The following ANK2 variants were observed in gnomAD, a reference collection of about 807,000 sequenced individuals.
ANK2 encodes ankyrin 2.
A neutral mutation model predicts 360.5 loss-of-function variants in ANK2; 83 were observed. The observed-to-expected ratio is 0.23, with a 90% CI of 0.19 to 0.28. The LOEUF is 0.28. ANK2 is among the 10% of genes least tolerant of loss of function. The pLI, the probability that ANK2 is intolerant of heterozygous loss-of-function variation, is 1.00. For synonymous variants in ANK2, 1,740 were observed against 1,759.5 expected (o/e 0.99, Z 0.28); for missense variants, 4,201 against 4,795.7 (o/e 0.88, Z 3.66).
chr4:113,124,900 C>T (rs1051993760), intron 1 of ANK2, among the ~76,000 whole-genome samples: 25 of 151,856 alleles, frequency 1.6e-4, no homozygotes, highest in African/African-American at 3.6e-4. Flanking sequence ...GAGGCTGAGA[C>T]GTGAGGAGAG....
intron 22 of ANK2, among the ~76,000 whole-genome samples, chr4:113,300,870 CAAAG>C (rs2074589570): frequency 6.6e-6 from 1 of 152,152 alleles, no homozygotes; most frequent in African/African-American, 2.4e-5. Context: ...CTGAAGAAAA[CAAAG>C]AGCCACCAAA....
chr4:113,153,897 G>A (rs2097182013), intron 1 of ANK2, among the ~76,000 whole-genome samples: 1 of 152,190 alleles, frequency 6.6e-6, no homozygotes, highest in African/African-American at 2.4e-5. Context: ...TAACCCTTAA[G>A]TGCACTTAAG....
At position 113,213,965 on chromosome 4, in the gene ANK2, T is replaced by TA. The variant is rs1562935232; in HGVS notation, c.384+14856_384+14857insA. 33 of 488,418 alleles carry TA rather than the reference T, an allele frequency of 6.8e-5. 2 individuals carry two copies. Among genetic ancestry groups the TA allele is most frequent in the African/African-American group, 2.1e-4 (3 of 14,468 alleles). The allele number at this position is 488,418 out of a possible 1,614,324, so 30.3% of individuals were successfully genotyped here. ...AATGCTGTTTTATTTATTTTTTTTT[T>TA]TTATTTTTTTTTTAAGTACAATTTC... On this transcript the variant is annotated intron_variant, in intron 4 of 45. Transcript: ENST00000357077.
chr4:112,706,097 G>GCGGGAGACC, the ANK2 span, among the ~76,000 whole-genome samples: 2 of 151,246 alleles, frequency 1.3e-5, no homozygotes, highest in African/African-American at 4.8e-5. Context: ...CCGAGGAGAC[G>GCGGGAGACC]CGGGAGACCC....
intron 2 of ANK2, among the ~76,000 whole-genome samples, chr4:113,190,389 C>T (rs964729275): frequency 6.6e-6 from 1 of 152,046 alleles, no homozygotes; most frequent in Non-Finnish European, 1.5e-5. Context: ...GGATTATAAG[C>T]GTGAGCCACT....
intron 29 of ANK2, 111 bp from the exon 30 acceptor site, chr4:113,335,735 G>A: frequency 1.8e-6 from 2 of 1,128,010 alleles, no homozygotes; most frequent in Non-Finnish European, 1.3e-6. Context: ...TCAAAAAAAT[G>A]TGTTTTGCTG....
At chr4:112,996,514 T>C (rs1386556971) in intron 2 of ANK2, among the ~76,000 whole-genome samples, 1 of 152,228 alleles carries the variant, frequency 6.6e-6, no homozygotes, top group African/African-American at 2.4e-5. Flanking sequence ...ACAGCACCTT[T>C]TATTGTACCA....
rs2058701768 is a variant in ANK2 at position 113,023,903 on chromosome 4, G to A, written c.21+119389G>A. Among the ~76,000 whole-genome samples the A allele has an allele frequency of 2.0e-5, 3 of 152,096 alleles. No homozygotes were observed. The South Asian group carries it at 6.2e-4, about 32-fold the overall frequency. The stretch of plus-strand genomic sequence containing the variant: ...TTCTGTAGAAGACATGCACAGATTG[G>A]GGGAACATATTGCAGAACACATTCT... On this transcript the variant is annotated intron_variant, in intron 2 of 30. Coordinates refer to the ANK2 transcript ENST00000503271.
At chr4:113,224,628 G>A (rs1199382774) in intron 4 of ANK2, among the ~76,000 whole-genome samples, 2 of 152,100 alleles carry the variant, frequency 1.3e-5, no homozygotes, top group African/African-American at 4.8e-5. Context: ...AATAAGCTTA[G>A]CAATGTAACA....
Position 113,293,500 on chromosome 4 carries a change from C to A in ANK2, c.2437C>A (p.Leu813Met), listed in dbSNP as rs777436992. ...GGGCTACATCTCCGTGGTCGACACC[C>A]TGAAGGTTGTGACTGAGGAGGTCAC... ...RLGYISVVDT[L>M]KVVTEEVTTT... The change falls in exon 22 of 46, where the codon CTG becomes ATG. Residue 813 changes from leucine (L) to methionine (M), a missense_variant. Leu to Met is a conservative substitution (Grantham distance 15, BLOSUM62 2). Around this residue, in one of 4 missense-constraint regions of ANK2, gnomAD observed 1,268 missense variants for 1,650.8 expected, o/e 0.77. Transcript: ENST00000357077. 1 of 1,613,744 alleles carries A rather than the reference C, an allele frequency of 6.2e-7. No individual in the cohort carries two copies. Among genetic ancestry groups the A allele is most frequent in the Non-Finnish European group, 8.5e-7 (1 of 1,180,010 alleles).
At chr4:113,191,675 G>A (rs1230743719) in intron 2 of ANK2, among the ~76,000 whole-genome samples, 1 of 152,094 alleles carries the variant, frequency 6.6e-6, no homozygotes, top group Non-Finnish European at 1.5e-5. Context: ...GCATGTAACT[G>A]GGAAATAATA....
chr4:112,838,935 CTT>C (rs2061551830), intron 1 of ANK2, among the ~76,000 whole-genome samples: 2 of 152,182 alleles, frequency 1.3e-5, no homozygotes, highest in African/African-American at 4.8e-5. Flanking sequence ...GGTTCTTCAT[CTT>C]TGTAACATCT....
At chr4:113,113,885 G>A (rs2094523801) in intron 1 of ANK2, among the ~76,000 whole-genome samples, 1 of 152,128 alleles carries the variant, frequency 6.6e-6, no homozygotes, top group African/African-American at 2.4e-5. Context: ...AAGAAGGAAA[G>A]ATTTTAAAAA....
chr4:113,167,118 G>T (rs549201372), intron 1 of ANK2, among the ~76,000 whole-genome samples: 2 of 152,018 alleles, frequency 1.3e-5, no homozygotes, highest in Admixed American at 1.3e-4. Flanking sequence ...TTTAAAAATT[G>T]CCTCCAGTGT....
intron 39 of ANK2, 109 bp from the exon 40 acceptor site, chr4:113,363,229 A>C (rs1292847875): frequency 4.5e-6 from 5 of 1,114,970 alleles, no homozygotes; most frequent in Non-Finnish European, 3.9e-6. Flanking sequence ...AAGGAACTCA[A>C]ATACTCACCA....
intron 26 of ANK2, among the ~76,000 whole-genome samples, chr4:113,322,025 C>A (rs992153217): frequency 3.9e-5 from 6 of 152,092 alleles, no homozygotes; most frequent in Admixed American, 1.3e-4. Flanking sequence ...AACCACCGTG[C>A]CCAGCCAAAA....
chr4:113,230,086 G>T (rs192309291), intron 4 of ANK2, among the ~76,000 whole-genome samples: 1 of 151,876 alleles, frequency 6.6e-6, no homozygotes, highest in Non-Finnish European at 1.5e-5. Context: ...ACAAGATTTC[G>T]CCTGCTTGCT....
chr4:112,997,824 A>G (rs1045421592), intron 2 of ANK2, among the ~76,000 whole-genome samples: 8 of 151,906 alleles, frequency 5.3e-5, no homozygotes, highest in Non-Finnish European at 1.2e-4. Context: ...ATATATGCAC[A>G]TATATACAAA....
At chr4:112,774,505 C>T in the ANK2 span, among the ~76,000 whole-genome samples, 2 of 152,102 alleles carry the variant, frequency 1.3e-5, no homozygotes, top group East Asian at 1.9e-4. Context: ...CCAGTCTGGG[C>T]GACAGAGCGA....
Sources: allele counts gnomAD v4.1 joint callset (sites outside exome capture counted in the v4.1 genomes callset), GRCh38; gene constraint gnomAD v4.1.1; regional missense constraint gnomAD v4.1.1; transcripts MANE v1.5; gene names NCBI Gene and HGNC (gene_info 2026-07-23, HGNC 2026-07-21).